PRKG1: variants seen among roughly 807,000 people sequenced by gnomAD.
PRKG1 encodes cGMP-dependent protein kinase 1.
PRKG1 carries 35 observed loss-of-function variants against 88.1 expected under a neutral mutation model. The observed-to-expected ratio is 0.40, with a 90% CI of 0.30 to 0.53. The LOEUF (loss-of-function observed/expected upper bound fraction) is 0.53. Among genes scored for constraint, PRKG1 ranks in the 20% least tolerant of loss-of-function variants. PRKG1 has a pLI of 0.59. For synonymous variants in PRKG1, 303 were observed against 292.5 expected, an observed-to-expected ratio of 1.04 and a Z score of -0.37; for missense variants, 540 against 839.8, an observed-to-expected ratio of 0.64 and a Z score of 4.41.
At chr10:51,270,601 T>C (rs991809417) in intron 2 of PRKG1, among the ~76,000 whole-genome samples, 1 of 152,158 alleles carries the variant, frequency 6.6e-6, no homozygotes, top group Non-Finnish European at 1.5e-5. Context: ...ATCACAAAGA[T>C]TCATGCAAGC....
chr10:51,761,380 T>C (rs1220083871), intron 3 of PRKG1, among the ~76,000 whole-genome samples: 2 of 152,266 alleles, frequency 1.3e-5, no homozygotes, highest in Non-Finnish European at 2.9e-5. Flanking sequence ...TGTTAATGAA[T>C]GAAAGTGTCC....
intron 2 of PRKG1, among the ~76,000 whole-genome samples, chr10:51,167,534 A>T (rs910346784): frequency 2.6e-5 from 4 of 152,174 alleles, no homozygotes; most frequent in Admixed American, 2.6e-4. Context: ...AATGGATTCC[A>T]CTAATAATCT....
chr10:51,763,436 T>G (rs1369723320), intron 3 of PRKG1, among the ~76,000 whole-genome samples: 1 of 151,762 alleles, frequency 6.6e-6, no homozygotes, highest in Non-Finnish European at 1.5e-5. Context: ...AAAAAAAATT[T>G]TTATAGAGGT....
intron 3 of PRKG1, among the ~76,000 whole-genome samples, chr10:51,667,021 C>G (rs886371962): frequency 5.3e-5 from 8 of 151,966 alleles, no homozygotes; most frequent in South Asian, 2.1e-4. Flanking sequence ...AGGCTGGTCT[C>G]GAACTCCTGG....
At chr10:51,429,300 A>G (rs1159417496) in intron 2 of PRKG1, among the ~76,000 whole-genome samples, 1 of 152,228 alleles carries the variant, frequency 6.6e-6, no homozygotes, top group Non-Finnish European at 1.5e-5. Context: ...GGGAGAGAGA[A>G]TGCACTGACT....
At chr10:51,729,706 CAAAAAAAAA>C (rs34900286) in intron 3 of PRKG1, among the ~76,000 whole-genome samples, 51 of 28,778 alleles carry the variant, frequency 1.8e-3, no homozygotes, top group African/African-American at 5.8e-3. Flanking sequence ...GACTCCATCT[CAAAAAAAAA>C]AAAAAAAAAA....
chr10:51,178,825 AATT>A (rs1837269805), intron 2 of PRKG1, among the ~76,000 whole-genome samples: 1 of 152,186 alleles, frequency 6.6e-6, no homozygotes, highest in African/African-American at 2.4e-5. Context: ...GATGTAATGA[AATT>A]ATTGATGATG....
chr10:51,572,015 G>T (rs1309417893), intron 3 of PRKG1, among the ~76,000 whole-genome samples: 1 of 151,802 alleles, frequency 6.6e-6, no homozygotes, highest in Non-Finnish European at 1.5e-5. Context: ...GGGTAAGGAT[G>T]TCAAAGTTTC....
intron 2 of PRKG1, among the ~76,000 whole-genome samples, chr10:51,186,599 G>A (rs913358791): frequency 1.3e-5 from 2 of 152,054 alleles, no homozygotes; most frequent in East Asian, 3.9e-4. Context: ...AGGAGAAGAG[G>A]CCAAGTTATG....
chr10:52,264,193 T>A (rs974292598), intron 10 of PRKG1, among the ~76,000 whole-genome samples: 1 of 151,762 alleles, frequency 6.6e-6, no homozygotes, highest in African/African-American at 2.4e-5. Flanking sequence ...GCAACGGGAA[T>A]ATTGGGAAAT....
chr10:51,355,577 T>A (rs1842347940), intron 2 of PRKG1, among the ~76,000 whole-genome samples: 1 of 152,056 alleles, frequency 6.6e-6, no homozygotes, highest in Non-Finnish European at 1.5e-5. Flanking sequence ...ATAGCCACAG[T>A]GAAGATGTAA....
intron 2 of PRKG1, among the ~76,000 whole-genome samples, chr10:51,171,031 T>C (rs1256572573): frequency 6.6e-6 from 1 of 152,092 alleles, no homozygotes; most frequent in Non-Finnish European, 1.5e-5. Context: ...TGACTCGGAC[T>C]AAGGTCATTA....
intron 2 of PRKG1, among the ~76,000 whole-genome samples, chr10:51,278,279 C>T (rs1246103603): frequency 6.6e-6 from 1 of 152,146 alleles, no homozygotes; most frequent in Non-Finnish European, 1.5e-5. Flanking sequence ...TATGTTGAAC[C>T]AGCCTTGCAT....
chr10:51,839,199 T>C (rs949241258), intron 4 of PRKG1, among the ~76,000 whole-genome samples: 6 of 152,190 alleles, frequency 3.9e-5, no homozygotes, highest in African/African-American at 1.4e-4. Context: ...AAAATGATTT[T>C]GAAATAAAGA....
intron 5 of PRKG1, among the ~76,000 whole-genome samples, chr10:52,016,321 G>A (rs1449365956): frequency 1.3e-5 from 2 of 152,184 alleles, no homozygotes; most frequent in Non-Finnish European, 2.9e-5. Flanking sequence ...CAGCAGGAGA[G>A]AGAGGACAAT....
At chr10:51,111,245 T>A (rs1844972382) in intron 1 of PRKG1, among the ~76,000 whole-genome samples, 1 of 152,160 alleles carries the variant, frequency 6.6e-6, no homozygotes, top group South Asian at 2.1e-4. Flanking sequence ...GTTGATTTTT[T>A]AAATTAAATT....
intron 2 of PRKG1, among the ~76,000 whole-genome samples, chr10:51,417,918 C>G (rs2132701029): frequency 6.6e-6 from 1 of 152,306 alleles, no homozygotes; most frequent in East Asian, 1.9e-4. Context: ...GGAATCCCCA[C>G]ATATTCTTGG....
At chr10:51,212,161 G>A (rs568059170) in intron 2 of PRKG1, among the ~76,000 whole-genome samples, 59 of 151,894 alleles carry the variant, frequency 3.9e-4, no homozygotes, top group East Asian at 1.9e-3. Context: ...AAATAATGCC[G>A]CATATCTACA....
intron 7 of PRKG1, among the ~76,000 whole-genome samples, chr10:52,129,147 C>T (rs186665073): frequency 6.6e-6 from 1 of 152,316 alleles, no homozygotes; most frequent in African/African-American, 2.4e-5. Context: ...CCTTGTCCTG[C>T]TTCTAAACCG....
Sources: gnomAD v4.1 joint callset for allele counts (sites outside exome capture counted in the v4.1 genomes callset) on GRCh38, gnomAD v4.1.1 for gene constraint, MANE v1.5 for transcripts, NCBI Gene and HGNC (gene_info 2026-07-23, HGNC 2026-07-21) for gene names.